The following CPAMD8 variants were observed in gnomAD, a reference collection of about 807,000 sequenced individuals.
The protein encoded by CPAMD8 is C3 and PZP-like alpha-2-macroglobulin domain-containing protein 8.
A neutral mutation model predicts 224.7 loss-of-function variants in CPAMD8; 146 were observed. The observed-to-expected ratio is 0.65, with a 90% CI of 0.57 to 0.75. CPAMD8 has a LOEUF of 0.75. Ranked by LOEUF, CPAMD8 falls within the 30% of genes least tolerant of loss-of-function variation. The pLI is 0.00. For missense variants in CPAMD8, 2,301 were observed against 2,537.5 expected, an observed-to-expected ratio of 0.91 and a Z score of 2.00; for synonymous variants, 966 against 1,044.6, an observed-to-expected ratio of 0.92 and a Z score of 1.45.
At chr19:17,000,132 T>C (rs1261312197) in intron 10 of CPAMD8, 2 of 331,398 alleles carry the variant, frequency 6.0e-6, no homozygotes, top group African/African-American at 2.1e-5. Flanking sequence ...GCAGGAATTT[T>C]ATCATCAGAA....
At chr19:16,909,385 A>C (rs1323227804) in intron 29 of CPAMD8, among the ~76,000 whole-genome samples, 1 of 152,140 alleles carries the variant, frequency 6.6e-6, no homozygotes, top group Non-Finnish European at 1.5e-5. Context: ...TCTACTAAAA[A>C]TACAAAAAAT....
chr19:16,947,065 G>A lies in CPAMD8; in HGVS notation c.2662+9C>T, dbSNP rs752904013. The A allele has an allele frequency of 6.3e-7, 1 of 1,592,182 alleles. No individual in the cohort carries two copies. Among genetic ancestry groups the A allele is most frequent in the Non-Finnish European group, 8.6e-7 (1 of 1,167,706 alleles). Reference sequence around the variant, plus strand: ...AGGGGGGACACCCCAAGAACTGTGGGGTCCTCACCCGTGATGTTGTTGAGT... The same window carrying A: ...AGGGGGGACACCCCAAGAACTGTGGAGTCCTCACCCGTGATGTTGTTGAGT... On this transcript the variant is annotated intron_variant, in intron 21 of 41. Transcript: ENST00000443236.
intron 1 of CPAMD8, among the ~76,000 whole-genome samples, chr19:17,024,275 T>C (rs746682569): frequency 1.5e-4 from 23 of 152,166 alleles, no homozygotes; most frequent in Non-Finnish European, 1.6e-4. Flanking sequence ...ACATCTGCCT[T>C]GAATAATTAC....
intron 13 of CPAMD8, among the ~76,000 whole-genome samples, chr19:16,982,196 C>T (rs931666355): frequency 2.1e-4 from 32 of 152,036 alleles, no homozygotes; most frequent in African/African-American, 7.7e-4. Flanking sequence ...GAGTTCAAGA[C>T]CCGCCACAGC....
chr19:16,990,473 AC>A (rs1191637710), intron 12 of CPAMD8, among the ~76,000 whole-genome samples: 2 of 151,956 alleles, frequency 1.3e-5, no homozygotes, highest in African/African-American at 4.8e-5. Context: ...CAGGAGGATC[AC>A]TTGAGTCCAG....
At position 16,997,345 on chromosome 19, in the gene CPAMD8, G is replaced by A. The variant is rs762582244; in HGVS notation, c.868-7C>T. 1.9e-6 allele frequency: 3 copies of A among 1,542,428 alleles called. No homozygotes were observed. Among genetic ancestry groups the A allele is most frequent in the Non-Finnish European group, 1.8e-6 (2 of 1,127,112 alleles). On this transcript the variant is annotated splice_polypyrimidine_tract_variant and splice_region_variant and intron_variant, in intron 10 of 41. Transcript: ENST00000443236. Reference sequence around the variant, plus strand: ...AGTCCCGGGAGCCGAGGATCTGGAGGGAGGAAAAACACAGCCCGTGCTCAC... The same window carrying A: ...AGTCCCGGGAGCCGAGGATCTGGAGAGAGGAAAAACACAGCCCGTGCTCAC...
Position 16,952,188 on chromosome 19 carries a change from A to G in CPAMD8, c.2289T>C (p.Gly763=). Residue 763 remains glycine (G), a synonymous_variant, in exon 20 of 42, where the codon GGT becomes GGC. Coordinates refer to ENST00000443236, the MANE Select transcript of CPAMD8 (RefSeq NM_015692.5). The stretch of plus-strand genomic sequence containing the variant: ...GGACCTTCACACTGAGTGTCCCCTC[A>G]CCAGATGGGTCACTGCGGAGAGACA... ...WHCLNISDPS[G]EGTLSVKVPD... 4 of 1,532,980 alleles carry G rather than the reference A, an allele frequency of 2.6e-6. No individual in the cohort carries two copies. Among genetic ancestry groups the G allele is most frequent in the Non-Finnish European group, 3.5e-6 (4 of 1,131,162 alleles). The allele number at this position is 1,532,980 out of a possible 1,614,324, so 95.0% of individuals were successfully genotyped here.
chr19:16,964,616 G>C (rs1346631923), intron 18 of CPAMD8, among the ~76,000 whole-genome samples: 1 of 152,140 alleles, frequency 6.6e-6, no homozygotes, highest in Non-Finnish European at 1.5e-5. Flanking sequence ...GAAGTACAAA[G>C]AGGAGCTGAT....
chr19:16,904,313 A>G lies in CPAMD8; in HGVS notation c.4164T>C (p.Thr1388=). 1 of 1,613,752 alleles carries G rather than the reference A, an allele frequency of 6.2e-7. No homozygotes were observed. The highest frequency in any genetic ancestry group is 8.5e-7 in the Non-Finnish European group (1 of 1,180,010). Residue 1388 remains threonine, a synonymous_variant, in exon 32 of 42, where the codon ACT becomes ACC. Coordinates refer to ENST00000443236, the MANE Select transcript of CPAMD8 (RefSeq NM_015692.5). ...EMTAYALLTY[T]LLGDVAAALP... ...GGGCGGCAGCCACGTCACCCAGCAG[A>G]GTGTAGGTCAGAAGGGCGTAGGCTG... is the stretch of plus-strand genomic sequence containing the variant.
intron 20 of CPAMD8, 108 bp downstream of exon 20, chr19:16,951,861 T>A: frequency 4.1e-6 from 3 of 729,492 alleles, no homozygotes; most frequent in African/African-American, 1.8e-5. Flanking sequence ...CTCGCCCTCC[T>A]AAATCCCCCA....
rs1599670554 is a variant in CPAMD8 at position 16,906,993 on chromosome 19, G to T, written c.3986C>A (p.Pro1329His). 2 of 1,600,082 alleles carry T rather than the reference G, an allele frequency of 1.2e-6. No homozygotes were observed. The highest frequency in any genetic ancestry group is 4.5e-5 in the East Asian group (2 of 44,420). ...ALTLLRSPAA[P>H]EALRKLRSLA... ...GCTACGGAGCTTGCGCAGTGCCTCA[G>T]GGGCTGCCGGGCTGCGGAGCAGGGT... Residue 1329 changes from proline to histidine, a missense_variant, in exon 30 of 42, where the codon CCT becomes CAT. Physicochemically the swap from Pro to His is moderately conservative, Grantham distance 77. Transcript: ENST00000443236.
At chr19:16,955,212 T>C (rs1305268207) in intron 19 of CPAMD8, among the ~76,000 whole-genome samples, 1 of 150,510 alleles carries the variant, frequency 6.6e-6, no homozygotes, top group Non-Finnish European at 1.5e-5. Context: ...GAGGAATCAC[T>C]TGAACCCTGG....
chr19:16,908,672 G>A (rs554317312), intron 29 of CPAMD8, among the ~76,000 whole-genome samples: 1 of 152,306 alleles, frequency 6.6e-6, no homozygotes, highest in East Asian at 1.9e-4. Flanking sequence ...CTCTGCTTTC[G>A]GAACTGTCCT....
At chr19:16,947,843 A>G (rs2122290242) in intron 20 of CPAMD8, among the ~76,000 whole-genome samples, 1 of 152,254 alleles carries the variant, frequency 6.6e-6, no homozygotes, top group African/African-American at 2.4e-5. Context: ...GTGTGTGTGT[A>G]TGGGCATGCT....
intron 18 of CPAMD8, among the ~76,000 whole-genome samples, chr19:16,963,903 C>T (rs2054735402): frequency 6.6e-6 from 1 of 152,158 alleles, no homozygotes; most frequent in African/African-American, 2.4e-5. Context: ...AACCACACAA[C>T]CACATGGAAA....
At chr19:16,893,705 TG>T (rs2051848588) in intron 41 of CPAMD8, 2 of 210,100 alleles carry the variant, frequency 9.5e-6, no homozygotes, top group Non-Finnish European at 9.5e-6. Flanking sequence ...GCTGGTCCTC[TG>T]GGCACGAGGA....
chr19:16,977,721 TC>T (rs1300228419), intron 14 of CPAMD8, among the ~76,000 whole-genome samples, 181 bp from the exon 15 acceptor site: 1 of 152,174 alleles, frequency 6.6e-6, no homozygotes, highest in Non-Finnish European at 1.5e-5. Context: ...GCTGACTCTT[TC>T]TATTGACTCA....
At chr19:16,980,436 C>A in intron 14 of CPAMD8, 61 bp downstream of exon 14, 1 of 1,519,400 alleles carries the variant, frequency 6.6e-7, no homozygotes, top group South Asian at 1.2e-5. Flanking sequence ...CAGGAGCACC[C>A]ATCTCAGTCT....
At chr19:17,011,181 C>G (rs992843804) in intron 5 of CPAMD8, among the ~76,000 whole-genome samples, 1 of 151,710 alleles carries the variant, frequency 6.6e-6, no homozygotes, top group Non-Finnish European at 1.5e-5. Flanking sequence ...GGCAATAGAG[C>G]GAGAGACTCG....
Sources: gnomAD v4.1 joint callset for allele counts (sites outside exome capture counted in the v4.1 genomes callset) on GRCh38, gnomAD v4.1.1 for gene constraint, MANE v1.5 for transcripts, NCBI Gene and HGNC (gene_info 2026-07-23, HGNC 2026-07-21) for gene names.